GOLGA6C: variants seen among roughly 807,000 people sequenced by gnomAD.
GOLGA6C encodes golgin A6 family member C, also known as golgin subfamily A member 6C.
Under a neutral mutation model 57.5 loss-of-function variants are expected in GOLGA6C, and 3 were observed. The observed-to-expected ratio is 0.05, with a 90% CI of 0.02 to 0.13. The LOEUF (loss-of-function observed/expected upper bound fraction) is 0.13. Ranked by LOEUF, GOLGA6C falls within the 10% of genes least tolerant of loss-of-function variation. The pLI, the probability that GOLGA6C is intolerant of heterozygous loss-of-function variation, is 1.00. For missense variants in GOLGA6C, 88 were observed against 525.6 expected (o/e 0.17, Z 8.14); for synonymous variants, 32 against 203.8 (o/e 0.16, Z 7.18).
rs2070789363 is a variant in GOLGA6C at position 75,271,565 on chromosome 15, G to GAAAAAAA, written c.*1369_*1370insAAAAAAA. Reference sequence around the variant, plus strand: ...CCAATATATGTGAGAGTACTTAGTTGAAACAAAAAGGAGTTTTAGTAGACA... The same window carrying GAAAAAAA: ...CCAATATATGTGAGAGTACTTAGTTGAAAAAAAAAACAAAAAGGAGTTTTAGTAGACA... On this transcript the variant is annotated 3_prime_UTR_variant, in exon 18 of 18. Coordinates refer to ENST00000300576, the MANE Select transcript of GOLGA6C (RefSeq NM_001164404.2). Among the ~76,000 whole-genome samples the GAAAAAAA allele has an allele frequency of 1.6e-5, 1 of 61,672 alleles. No individual in the cohort carries two copies. 40.5% of individuals were successfully genotyped at this position (61,672 alleles called of 152,430 possible). A position where few individuals can be genotyped will look rare whatever the true frequency, so the allele number is the denominator to read the frequency against.
intron 7 of GOLGA6C, among the ~76,000 whole-genome samples, chr15:75,264,439 G>GGGGT (rs1248915336): frequency 2.6e-5 from 3 of 117,276 alleles, no homozygotes; most frequent in African/African-American, 3.9e-5. Context: ...AGAGGAAAGG[G>GGGGT]GTGTGTGTGT....
Position 75,273,000 on chromosome 15 carries a change from T to A in GOLGA6C, c.*2801T>A, listed in dbSNP as rs1348260475. On this transcript the variant is annotated 3_prime_UTR_variant, in exon 18 of 18. Transcript: ENST00000300576. ...AAAGATTGCAATATATAATCATTTT[T>A]AAAGTATTTGTTTAACCTGATGGGT... Among the ~76,000 whole-genome samples, 2 of 151,996 alleles carry A rather than the reference T, an allele frequency of 1.3e-5. No homozygotes were observed. Among genetic ancestry groups the A allele is most frequent in the Admixed American group, 1.3e-4 (2 of 15,258 alleles).
At position 75,270,272 on chromosome 15, in the gene GOLGA6C, A is replaced by G; in HGVS notation, c.*73A>G. ...GGCAGCCGAGAACAGGGAGATAAAC[A>G]TCATCATCTTCTAAGAGCTGGTCAA... On this transcript the variant is annotated 3_prime_UTR_variant, in exon 18 of 18. Transcript: ENST00000300576. 2.6e-6 allele frequency: 4 copies of G among 1,552,244 alleles called. No homozygotes were observed. Among genetic ancestry groups the G allele is most frequent in the Non-Finnish European group, 3.5e-6 (4 of 1,152,024 alleles).
chr15:75,270,228 G>C lies in GOLGA6C; in HGVS notation c.*29G>C. On this transcript the variant is annotated 3_prime_UTR_variant, in exon 18 of 18. Transcript: ENST00000300576. ...CACCCAGGCTTGCCCAGCAAACCCT[G>C]CGTGCCATTCTTCTACCAGGCAGCC... The C allele has an allele frequency of 6.3e-7, 1 of 1,587,020 alleles. No homozygotes were observed. Among genetic ancestry groups the C allele is most frequent in the Non-Finnish European group, 8.5e-7 (1 of 1,170,952 alleles).
Position 75,272,581 on chromosome 15 carries a change from C to G in GOLGA6C, c.*2382C>G, listed in dbSNP as rs1482543103. Reference sequence around the variant, plus strand: ...TTCAGCTAGCCTTTAGCACCTGCAACCAATCTGACAATAATGTGTTCATCA... The same window carrying G: ...TTCAGCTAGCCTTTAGCACCTGCAAGCAATCTGACAATAATGTGTTCATCA... On this transcript the variant is annotated 3_prime_UTR_variant, in exon 18 of 18. Coordinates refer to ENST00000300576, the MANE Select transcript of GOLGA6C (RefSeq NM_001164404.2). 6.6e-6 allele frequency among the ~76,000 whole-genome samples: 1 copy of G among 152,254 alleles called. No homozygotes were observed. The highest frequency in any genetic ancestry group is 2.4e-5 in the African/African-American group (1 of 41,436).
chr15:75,264,462 G>GTT (rs2070748100), intron 7 of GOLGA6C, among the ~76,000 whole-genome samples: 1 of 137,346 alleles, frequency 7.3e-6, no homozygotes. Flanking sequence ...GTGTGTGTGT[G>GTT]TGTGTGTGTG....
In GOLGA6C at chr15:75,273,062, A is replaced by G. The variant is rs1471699492; in HGVS notation, c.*2863A>G. Among the ~76,000 whole-genome samples the G allele has an allele frequency of 6.6e-6, 1 of 152,046 alleles. No individual in the cohort carries two copies. Among genetic ancestry groups the G allele is most frequent in the African/African-American group, 2.4e-5 (1 of 41,292 alleles). On this transcript the variant is annotated 3_prime_UTR_variant, in exon 18 of 18. Transcript: ENST00000300576. ...GAAAACAAGTCAGTTCTAAAACCAA[A>G]GCTGATATTTAGAAAATGTGAAAAT... is the stretch of plus-strand genomic sequence containing the variant.
Position 75,269,821 on chromosome 15 carries a change from C to A in GOLGA6C, c.1801-11C>A, listed in dbSNP as rs2070777668. Reference sequence around the variant, plus strand: ...GGCTCCAGGGTGGGAGCTGAGCACCCCTCCCTTCAGGTGAAGCTGCTGGAG... The same window carrying A: ...GGCTCCAGGGTGGGAGCTGAGCACCACTCCCTTCAGGTGAAGCTGCTGGAG... On this transcript the variant is annotated splice_polypyrimidine_tract_variant and intron_variant, in intron 16 of 17. Transcript: ENST00000300576. 8.9e-7 allele frequency: 1 copy of A among 1,124,894 alleles called. No individual in the cohort carries two copies. The highest frequency in any genetic ancestry group is 1.9e-5 in the African/African-American group (1 of 52,720). The allele number at this position is 1,124,894 out of a possible 1,614,324, so 69.7% of individuals were successfully genotyped here. A position where few individuals can be genotyped will look rare whatever the true frequency, so the allele number is the denominator to read the frequency against.
intron 3 of GOLGA6C, 38 bp from the exon 4 acceptor site, chr15:75,263,310 G>A: frequency 1.3e-6 from 1 of 771,608 alleles, no homozygotes; most frequent in African/African-American, 2.8e-5. Flanking sequence ...GAGTTGAGGG[G>A]GCCACTCTCA....
At position 75,270,096 on chromosome 15, in the gene GOLGA6C, A is replaced by G. The variant is rs988351451; in HGVS notation, c.1979A>G (p.Asn660Ser). 1.1e-5 allele frequency: 17 copies of G among 1,603,438 alleles called. No individual in the cohort carries two copies. The highest frequency in any genetic ancestry group is 1.4e-5 in the Non-Finnish European group (16 of 1,176,792). ...GATTTTTATGAAGTGAGCCTGGACA[A>G]CAACGTGGAGCCTGCACCAGGAGCG... ...QDDFYEVSLD[N>S]NVEPAPGAAR... The change falls in exon 18 of 18, where the codon AAC becomes AGC. Residue 660 changes from asparagine (N) to serine (S), a missense_variant. Physicochemically the swap from Asn to Ser is conservative, Grantham distance 46 (BLOSUM62 1). Coordinates refer to ENST00000300576, the MANE Select transcript of GOLGA6C (RefSeq NM_001164404.2).
rs546292610 is a variant in GOLGA6C at position 75,265,035 on chromosome 15, G to A, written c.565-87G>A. 101 of 1,518,266 alleles carry A rather than the reference G, an allele frequency of 6.7e-5. 3 individuals carry two copies. In the South Asian group the frequency reaches 7.1e-4, roughly 11 times the overall value. The allele number at this position is 1,518,266 out of a possible 1,614,324, so 94.0% of individuals were successfully genotyped here. A position where few individuals can be genotyped will look rare whatever the true frequency, so the allele number is the denominator to read the frequency against. ...GGAAATGCCTTGACCTTTACTAACCGAGTTGTATATTGAGCCTAGCCCTAG... is the reference window on the plus strand; with the variant it reads ...GGAAATGCCTTGACCTTTACTAACCAAGTTGTATATTGAGCCTAGCCCTAG... On this transcript the variant is annotated intron_variant, in intron 7 of 17. Transcript: ENST00000300576.
In GOLGA6C at chr15:75,272,712, G is replaced by A. The variant is rs1197327393; in HGVS notation, c.*2513G>A. On this transcript the variant is annotated 3_prime_UTR_variant, in exon 18 of 18. Transcript: ENST00000300576. The stretch of plus-strand genomic sequence containing the variant: ...ATACCACTCTTTGTGTAGGTATTCT[G>A]TCATATATTTAAGAAAAATTAAATA... 2.0e-5 allele frequency among the ~76,000 whole-genome samples: 3 copies of A among 151,502 alleles called. No individual in the cohort carries two copies. The highest frequency in any genetic ancestry group is 1.9e-4 in the East Asian group (1 of 5,202).
intron 1 of GOLGA6C, among the ~76,000 whole-genome samples, 182 bp from the exon 2 acceptor site, chr15:75,260,190 CT>C (rs1400660298): frequency 1.4e-4 from 8 of 56,916 alleles, no homozygotes; most frequent in Admixed American, 2.2e-4. Flanking sequence ...CCCCCCCACA[CT>C]TTTTTTTTTA....
In GOLGA6C at chr15:75,269,160, C is replaced by T. The variant is rs201984696; in HGVS notation, c.1593+272C>T. On this transcript the variant is annotated intron_variant, in intron 14 of 17. Transcript: ENST00000300576. Reference sequence around the variant, plus strand: ...GCCTTCAAGTGGCATTTTTCAACTCCGCTGGAGCCAGTTCCCAGGAGGAGC... The same window carrying T: ...GCCTTCAAGTGGCATTTTTCAACTCTGCTGGAGCCAGTTCCCAGGAGGAGC... Among the ~76,000 whole-genome samples the T allele has an allele frequency of 7.3e-3, 994 of 136,630 alleles. 7 individuals carry two copies. The highest frequency in any genetic ancestry group is 0.022 in the African/African-American group (776 of 35,776). The allele number at this position is 136,630 out of a possible 152,430, so 89.6% of individuals were successfully genotyped here. A position where few individuals can be genotyped will look rare whatever the true frequency, so the allele number is the denominator to read the frequency against.
chr15:75,258,457 C>T lies in GOLGA6C; in HGVS notation c.-142C>T. 2 of 230,240 alleles carry T rather than the reference C, an allele frequency of 8.7e-6. No homozygotes were observed. Among genetic ancestry groups the T allele is most frequent in the South Asian group, 5.6e-5 (2 of 35,744 alleles). The allele number at this position is 230,240 out of a possible 1,614,324, so 14.3% of individuals were successfully genotyped here. On this transcript the variant is annotated 5_prime_UTR_variant, in exon 1 of 18. Transcript: ENST00000300576. ...GCACACTGCTGCCTGGCCACGCCTC[C>T]TTTCCCTTTCATCTTTCTCATTGAC...
rs1229040151 is a variant in GOLGA6C, at chr15:75,270,089, C to T, written c.1972C>T (p.Leu658=). 1.2e-6 allele frequency: 2 copies of T among 1,603,880 alleles called. No homozygotes were observed. The highest frequency in any genetic ancestry group is 1.1e-5 in the South Asian group (1 of 90,182). Residue 658 remains leucine (L), a synonymous_variant, in exon 18 of 18, where the codon CTG becomes TTG. Transcript: ENST00000300576. ...GEQDDFYEVS[L]DNNVEPAPGA... is the part of the protein sequence containing the mutation. ...CTCCGAAGATTTTTATGAAGTGAGC[C>T]TGGACAACAACGTGGAGCCTGCACC...
chr15:75,265,942 A>G (rs2070759882), intron 10 of GOLGA6C, among the ~76,000 whole-genome samples, 163 bp from the exon 11 acceptor site: 1 of 145,190 alleles, frequency 6.9e-6, no homozygotes, highest in African/African-American at 2.5e-5. Flanking sequence ...GTGGCTTGGA[A>G]ATTGGCTACC....
intron 2 of GOLGA6C, 149 bp downstream of exon 2, chr15:75,260,641 G>C: frequency 9.0e-7 from 1 of 1,109,568 alleles, no homozygotes; most frequent in South Asian, 1.6e-5. Flanking sequence ...CAAGTTGCTT[G>C]AGCTCTTTGA....
rs1182705274 is a variant in GOLGA6C, at chr15:75,273,070, T to A, written c.*2871T>A. Among the ~76,000 whole-genome samples the A allele has an allele frequency of 3.3e-5, 5 of 152,066 alleles. No homozygotes were observed. The highest frequency in any genetic ancestry group is 6.6e-5 in the Admixed American group (1 of 15,240). On this transcript the variant is annotated 3_prime_UTR_variant, in exon 18 of 18. Coordinates refer to ENST00000300576, the MANE Select transcript of GOLGA6C (RefSeq NM_001164404.2). ...GTCAGTTCTAAAACCAAAGCTGATA[T>A]TTAGAAAATGTGAAAATATAAATCA...
Sources: allele counts gnomAD v4.1 joint callset (sites outside exome capture counted in the v4.1 genomes callset), GRCh38; gene constraint gnomAD v4.1.1; transcripts MANE v1.5; gene names NCBI Gene and HGNC (gene_info 2026-07-23, HGNC 2026-07-21).